The following APLP2 variants were observed in gnomAD, a reference collection of about 807,000 sequenced individuals.
APLP2 encodes the protein CDEI box-binding protein.
APLP2 carries 53 observed loss-of-function variants against 89.9 expected under a neutral mutation model. The ratio of observed to expected loss-of-function variants is 0.59; its 90% CI spans 0.47 to 0.74. The LOEUF is 0.74. APLP2 is among the 30% of genes least tolerant of loss of function. The pLI is 0.00. For synonymous variants in APLP2, 372 were observed against 348.6 expected (o/e 1.07, Z -0.75); for missense variants, 973 against 975.9 (o/e 1.00, Z 0.04).
At chr11:130,070,415 C>T (rs1402610814) in intron 1 of APLP2, among the ~76,000 whole-genome samples, 1 of 151,474 alleles carries the variant, frequency 6.6e-6, no homozygotes, top group African/African-American at 2.4e-5. Context: ...CCCGCCCCGC[C>T]CTCCCCCGGG....
At chr11:130,086,418 G>A (rs1032664871) in intron 1 of APLP2, among the ~76,000 whole-genome samples, 12 of 152,222 alleles carry the variant, frequency 7.9e-5, no homozygotes, top group Middle Eastern at 3.4e-3. Context: ...TATATATTCT[G>A]GATGTTAATT....
chr11:130,112,584 G>T (rs1948725185), intron 3 of APLP2, among the ~76,000 whole-genome samples: 1 of 152,140 alleles, frequency 6.6e-6, no homozygotes, highest in African/African-American at 2.4e-5. Flanking sequence ...GGTGCTGTGA[G>T]TCGAAAATGT....
At chr11:130,100,462 A>G (rs577212436) in intron 1 of APLP2, 3 of 151,472 alleles carry the variant, frequency 2.0e-5, no homozygotes, top group Admixed American at 2.0e-4. Context: ...TTTTTTTTAC[A>G]TGAAAGTATT....
Position 130,126,906 on chromosome 11 carries a change from A to C in APLP2, c.1221+76A>C. On this transcript the variant is annotated intron_variant, in intron 8 of 16. Transcript: ENST00000338167. ...TGGTTCTCATAGCTGAAGAAAAGTAATAGCTTCTCCCTAGATTGTCATGCT... is the reference window on the plus strand; with the variant it reads ...TGGTTCTCATAGCTGAAGAAAAGTACTAGCTTCTCCCTAGATTGTCATGCT... 7 of 1,585,864 alleles carry C rather than the reference A, an allele frequency of 4.4e-6. No individual in the cohort carries two copies. In the East Asian group the frequency reaches 1.6e-4, roughly 36 times the overall value.
chr11:130,094,127 C>T (rs754588923), intron 1 of APLP2, among the ~76,000 whole-genome samples: 1 of 147,736 alleles, frequency 6.8e-6, no homozygotes, highest in Non-Finnish European at 1.5e-5. Context: ...GATCTTGGCT[C>T]ACCACAACTT....
At chr11:130,118,622 T>C (rs1224468001) in intron 3 of APLP2, among the ~76,000 whole-genome samples, 1 of 152,238 alleles carries the variant, frequency 6.6e-6, no homozygotes, top group Non-Finnish European at 1.5e-5. Context: ...GGTGGTTGGA[T>C]GTCAGAATTG....
chr11:130,143,737 C>T lies in APLP2; in HGVS notation c.*289C>T, dbSNP rs1952686234. On this transcript the variant is annotated 3_prime_UTR_variant, in exon 17 of 17. Transcript: ENST00000338167. ...TTTTTTAAATTAATCAGAAACCCCA[C>T]TTCCATTGTATTGTCTGACACATGC... 2 of 329,920 alleles carry T rather than the reference C, an allele frequency of 6.1e-6. No homozygotes were observed. The highest frequency in any genetic ancestry group is 1.3e-4 in the East Asian group (2 of 15,122). 20.4% of individuals were successfully genotyped at this position (329,920 alleles called of 1,614,324 possible).
At chr11:130,088,078 C>A (rs936546084) in intron 1 of APLP2, among the ~76,000 whole-genome samples, 4 of 152,188 alleles carry the variant, frequency 2.6e-5, no homozygotes, top group African/African-American at 9.7e-5. Context: ...TATGTGTAGT[C>A]AGTGAAGATG....
rs778174246 is a variant in APLP2 at position 130,135,590 on chromosome 11, A to G, written c.1712A>G (p.Asp571Gly). 2 of 1,614,120 alleles carry G rather than the reference A, an allele frequency of 1.2e-6. No individual in the cohort carries two copies. Among genetic ancestry groups the G allele is most frequent in the East Asian group, 2.2e-5 (1 of 44,886 alleles). The stretch of plus-strand genomic sequence containing the variant: ...GAGCTCCTTCAGGAGCAGCGTGCAG[A>G]TATGGACCAGTTCACTGCCTCAATC... ...IDELLQEQRA[D>G]MDQFTASISE... The change falls in exon 13 of 17, where the codon GAT becomes GGT. Residue 571 changes from aspartate to glycine, a missense_variant. Asp to Gly is a moderately conservative substitution (Grantham distance 94, BLOSUM62 -1). Transcript: ENST00000338167.
At chr11:130,105,853 G>A (rs1416950348) in intron 1 of APLP2, among the ~76,000 whole-genome samples, 1 of 152,072 alleles carries the variant, frequency 6.6e-6, no homozygotes, top group Non-Finnish European at 1.5e-5. Context: ...ACAGGCATGT[G>A]CCACCACACC....
In APLP2 at chr11:130,109,552, A is replaced by G. The variant is rs1045686751; in HGVS notation, c.229A>G (p.Thr77Ala). The G allele has an allele frequency of 4.3e-6, 7 of 1,613,738 alleles. 1 individual carries two copies. In the Middle Eastern group the frequency reaches 1.2e-3, roughly 266 times the overall value. The change falls in exon 2 of 17, where the codon ACC (threonine) becomes GCC (alanine). Residue 77 changes from threonine (T) to alanine (A), a missense_variant. Physicochemically the swap from Thr to Ala is moderately conservative, Grantham distance 58 (BLOSUM62 0). Coordinates refer to ENST00000338167, the MANE Select transcript of APLP2 (RefSeq NM_001142276.2). The part of the protein sequence containing the change: ...TGKWEPDPTG[T>A]KSCFETKEEV... ...GAAATGGGAACCTGATCCAACAGGCACCAAGAGCTGCTTTGAAACAAAAGA... is the reference window on the plus strand; with the variant it reads ...GAAATGGGAACCTGATCCAACAGGCGCCAAGAGCTGCTTTGAAACAAAAGA...
At chr11:130,129,980 C>G in intron 10 of APLP2, 58 bp from the exon 11 acceptor site, 1 of 1,571,928 alleles carries the variant, frequency 6.4e-7, no homozygotes, top group Non-Finnish European at 8.7e-7. Context: ...CTTTTGTTTT[C>G]CTGCCTATTT....
At chr11:130,081,196 A>G (rs1943096079) in intron 1 of APLP2, among the ~76,000 whole-genome samples, 1 of 152,104 alleles carries the variant, frequency 6.6e-6, no homozygotes, top group South Asian at 2.1e-4. Flanking sequence ...CCAGGTCATT[A>G]CATATTTTGT....
intron 1 of APLP2, chr11:130,082,732 C>A: frequency 4.3e-6 from 1 of 230,842 alleles, no homozygotes. Context: ...TTGGGACAGC[C>A]TAGTTTTGTT....
At chr11:130,125,764 T>C (rs1271380520) in intron 7 of APLP2, among the ~76,000 whole-genome samples, 1 of 152,232 alleles carries the variant, frequency 6.6e-6, no homozygotes, top group African/African-American at 2.4e-5. Context: ...TCATAATCTA[T>C]CAAGCAAGTC....
In APLP2 at chr11:130,141,517, A is replaced by T; in HGVS notation, c.1943A>T (p.Asp648Val). 6.2e-7 allele frequency: 1 copy of T among 1,613,912 alleles called. No homozygotes were observed. The highest frequency in any genetic ancestry group is 8.5e-7 in the Non-Finnish European group (1 of 1,179,968). The change falls in exon 15 of 17, where the codon GAT becomes GTT. Residue 648 changes from aspartate to valine, a missense_variant. By Grantham distance (152) the Asp-to-Val change is radical (BLOSUM62 -3). Coordinates refer to ENST00000338167, the MANE Select transcript of APLP2 (RefSeq NM_001142276.2). This position sits in a 1 kb window ranked among gnomAD's most constrained non-coding sequence, Gnocchi z 4.2. ...DENMVIDETL[D>V]VKEMIFNAER... is the part of the protein sequence containing the mutation. ...TTTCAGGTCATTGACGAGACTCTGG[A>T]TGTTAAGGAAATGATTTTCAATGCC...
chr11:130,107,017 C>T (rs745937727), intron 1 of APLP2, among the ~76,000 whole-genome samples: 5 of 152,190 alleles, frequency 3.3e-5, no homozygotes, highest in Non-Finnish European at 7.3e-5. Context: ...TTTCTCAACA[C>T]TGTGTTCTTT....
At chr11:130,112,993 C>G (rs1200991496) in intron 3 of APLP2, among the ~76,000 whole-genome samples, 1 of 152,142 alleles carries the variant, frequency 6.6e-6, no homozygotes, top group Non-Finnish European at 1.5e-5. Flanking sequence ...CAGGAGTTGC[C>G]TCCTTTAAAG....
intron 1 of APLP2, among the ~76,000 whole-genome samples, chr11:130,088,387 A>G (rs976784329): frequency 8.5e-5 from 13 of 152,208 alleles, no homozygotes; most frequent in African/African-American, 2.7e-4. Context: ...TGAAGAGTCT[A>G]TCTTTGGGAA....
Sources: gnomAD v4.1 joint callset for allele counts (sites outside exome capture counted in the v4.1 genomes callset) on GRCh38, gnomAD v4.1.1 for gene constraint, Gnocchi (gnomAD v3.1) non-coding constraint, MANE v1.5 for transcripts, NCBI Gene and HGNC (gene_info 2026-07-23, HGNC 2026-07-21) for gene names.